Variants in UGT2B10 observed in about 807,000 individuals in gnomAD.
UGT2B10 encodes the protein UDP-glucuronosyltransferase 2B10.
A neutral mutation model predicts 43.7 loss-of-function variants in UGT2B10; 51 were observed. The ratio of observed to expected loss-of-function variants is 1.17; its 90% CI spans 0.93 to 1.47. The LOEUF (loss-of-function observed/expected upper bound fraction) is 1.47, where lower values mean the gene tolerates loss of function less well. Ranked by LOEUF, UGT2B10 falls within the 40% of genes most tolerant of loss-of-function variation. UGT2B10 has a pLI of 0.00. For synonymous variants in UGT2B10, 225 were observed against 209.0 expected, an observed-to-expected ratio of 1.08 and a Z score of -0.66; for missense variants, 696 against 617.7, an observed-to-expected ratio of 1.13 and a Z score of -1.34.
chr4:68,826,096 T>C (rs1296131403), intron 3 of UGT2B10, among the ~76,000 whole-genome samples: 1 of 152,084 alleles, frequency 6.6e-6, no homozygotes, highest in Non-Finnish European at 1.5e-5. Flanking sequence ...ATGTGTGATG[T>C]TAAACTTTTT....
intron 4 of UGT2B10, among the ~76,000 whole-genome samples, chr4:68,826,836 C>T (rs1737805245): frequency 6.6e-6 from 1 of 152,008 alleles, no homozygotes; most frequent in South Asian, 2.1e-4. Context: ...TTTCAAATGC[C>T]ACTAAATATA....
chr4:68,826,636 G>C, intron 4 of UGT2B10, 139 bp downstream of exon 4: 2 of 1,079,092 alleles, frequency 1.9e-6, no homozygotes, highest in Admixed American at 6.3e-5. Flanking sequence ...TCCAGTCCTA[G>C]GGGAAAAGAA....
At position 68,831,355 on chromosome 4, in the gene UGT2B10, A is replaced by T. The variant is rs1738092197; in HGVS notation, c.*476A>T. Among the ~76,000 whole-genome samples, 1 of 152,094 alleles carries T rather than the reference A, an allele frequency of 6.6e-6. No individual in the cohort carries two copies. The highest frequency in any genetic ancestry group is 1.5e-5 in the Non-Finnish European group (1 of 67,996). On this transcript the variant is annotated 3_prime_UTR_variant, in exon 6 of 6. Coordinates refer to ENST00000265403, the MANE Select transcript of UGT2B10 (RefSeq NM_001075.6). ...CAATCCTCCCATTTTAGCATCCCAA[A>T]GGGATGAGATTACAGGTATGTACCA... is the stretch of plus-strand genomic sequence containing the variant.
Position 68,826,451 on chromosome 4 carries a change from T to C in UGT2B10, c.1041T>C (p.Gly347=). 2 of 1,612,424 alleles carry C rather than the reference T, an allele frequency of 1.2e-6. No individual in the cohort carries two copies. Among genetic ancestry groups the C allele is most frequent in the Non-Finnish European group, 1.7e-6 (2 of 1,179,222 alleles). Residue 347 remains glycine, a synonymous_variant, in exon 4 of 6, where the codon GGT becomes GGC. Coordinates refer to ENST00000265403, the MANE Select transcript of UGT2B10 (RefSeq NM_001075.6). ...ATGGGAATAAACCAGATGCCTTAGG[T>C]CTCAATACTCGACTGTACAAGTGGA... ...RFDGNKPDAL[G]LNTRLYKWIP...
Position 68,830,526 on chromosome 4 carries a change from G to T in UGT2B10, c.1308-74G>T. On this transcript the variant is annotated intron_variant, in intron 5 of 5. Transcript: ENST00000265403. Reference sequence around the variant, plus strand: ...CTTTGAATTATTTGACACTTTAAAAGCCTTTCATAGACTTGATATCTACAG... The same window carrying T: ...CTTTGAATTATTTGACACTTTAAAATCCTTTCATAGACTTGATATCTACAG... The T allele has an allele frequency of 2.7e-6, 4 of 1,476,256 alleles. No homozygotes were observed. In the South Asian group the frequency reaches 4.3e-5, roughly 16 times the overall value. 91.4% of individuals were successfully genotyped at this position (1,476,256 alleles called of 1,614,324 possible).
At chr4:68,822,194 T>C in intron 2 of UGT2B10, 77 bp from the exon 3 acceptor site, 1 of 1,566,286 alleles carries the variant, frequency 6.4e-7, no homozygotes, top group Non-Finnish European at 8.6e-7. Context: ...CTCTTTAATA[T>C]TTTGTACCAA....
At chr4:68,822,194 T>A in intron 2 of UGT2B10, 77 bp from the exon 3 acceptor site, 1 of 1,566,286 alleles carries the variant, frequency 6.4e-7, no homozygotes, top group South Asian at 1.2e-5. Flanking sequence ...CTCTTTAATA[T>A]TTTGTACCAA....
intron 2 of UGT2B10, among the ~76,000 whole-genome samples, chr4:68,818,572 A>G (rs1737338670): frequency 6.6e-6 from 1 of 151,866 alleles, no homozygotes; most frequent in Non-Finnish European, 1.5e-5. Flanking sequence ...ACTTTGAAAT[A>G]TAGAATATAA....
intron 5 of UGT2B10, among the ~76,000 whole-genome samples, chr4:68,829,626 G>C (rs548001986): frequency 6.6e-6 from 1 of 151,972 alleles, no homozygotes; most frequent in Non-Finnish European, 1.5e-5. Flanking sequence ...TCTCTTAGAG[G>C]TAACACTTAG....
rs1175764702 is a variant in UGT2B10 at position 68,831,848 on chromosome 4, A to G, written c.*969A>G. Among the ~76,000 whole-genome samples, 1 of 152,080 alleles carries G rather than the reference A, an allele frequency of 6.6e-6. No individual in the cohort carries two copies. The highest frequency in any genetic ancestry group is 6.6e-5 in the Admixed American group (1 of 15,248). On this transcript the variant is annotated 3_prime_UTR_variant, in exon 6 of 6. Transcript: ENST00000265403. ...TGTCCTCTTTATTATTGATCAATCC[A>G]ACTGCAAAGTTCACCTTACCTGACT... is the stretch of plus-strand genomic sequence containing the variant.
At chr4:68,817,038 TA>T (rs1737248841) in intron 1 of UGT2B10, among the ~76,000 whole-genome samples, 2 of 151,806 alleles carry the variant, frequency 1.3e-5, no homozygotes. Flanking sequence ...TTTCAGATCT[TA>T]AAAACAGCAA....
At position 68,823,530 on chromosome 4, in the gene UGT2B10, G is replaced by T. The variant is rs115810397; in HGVS notation, c.999+1128G>T. 4.6e-3 allele frequency among the ~76,000 whole-genome samples: 702 copies of T among 152,108 alleles called. 3 individuals are homozygous for T. Among genetic ancestry groups the T allele is most frequent in the Non-Finnish European group, 6.7e-3 (454 of 67,982 alleles). On this transcript the variant is annotated intron_variant, in intron 3 of 5. Transcript: ENST00000265403. ...TCAAAAAAAGTAAACTAGTAAACTA[G>T]AGACTCTACTGTAGTATATTTCAGG...
In UGT2B10 at chr4:68,816,178, T is replaced by G; in HGVS notation, c.159T>G (p.Thr53=). The G allele has an allele frequency of 6.2e-7, 1 of 1,613,344 alleles. No homozygotes were observed. The highest frequency in any genetic ancestry group is 8.5e-7 in the Non-Finnish European group (1 of 1,179,478). Residue 53 remains threonine, a synonymous_variant, in exon 1 of 6, where the codon ACT becomes ACG. Transcript: ENST00000265403. ...TTGTTCAGAGAGGTCATGAGGTGAC[T>G]GTACTGGCATCTTCAGCTTCCATTC... is the stretch of plus-strand genomic sequence containing the variant. ...KELVQRGHEV[T]VLASSASILF... is the part of the protein sequence containing the mutation.
intron 3 of UGT2B10, 39 bp from the exon 4 acceptor site, chr4:68,826,371 T>A: frequency 6.3e-7 from 1 of 1,585,018 alleles, no homozygotes; most frequent in Non-Finnish European, 8.6e-7. Context: ...AACTTTTGAG[T>A]TCCACTCGTG....
chr4:68,820,261 T>G (rs532817738), intron 2 of UGT2B10, among the ~76,000 whole-genome samples: 1 of 152,098 alleles, frequency 6.6e-6, no homozygotes, highest in Non-Finnish European at 1.5e-5. Context: ...AAACCAGTTC[T>G]TTAATTGTTT....
At position 68,816,132 on chromosome 4, in the gene UGT2B10, T is replaced by C. The variant is rs1238629299; in HGVS notation, c.113T>C (p.Met38Thr). 4 of 1,613,348 alleles carry C rather than the reference T, an allele frequency of 2.5e-6. No individual in the cohort carries two copies. The highest frequency in any genetic ancestry group is 2.2e-5 in the East Asian group (1 of 44,838). Residue 38 changes from methionine to threonine, a missense_variant, in exon 1 of 6, where the codon ATG becomes ACG. Coordinates refer to ENST00000265403, the MANE Select transcript of UGT2B10 (RefSeq NM_001075.6). ...WAAEYSLWMN[M>T]KTILKELVQR... ...GCAGAATACAGCCTTTGGATGAATA[T>C]GAAGACAATCCTGAAAGAACTTGTT...
intron 3 of UGT2B10, among the ~76,000 whole-genome samples, chr4:68,822,679 A>T (rs1484313804): frequency 6.6e-6 from 1 of 152,196 alleles, no homozygotes; most frequent in African/African-American, 2.4e-5. Context: ...ACAAAAGGGA[A>T]CTTGAGACCC....
intron 2 of UGT2B10, 116 bp from the exon 3 acceptor site, chr4:68,822,155 C>T: frequency 1.4e-6 from 2 of 1,444,574 alleles, no homozygotes; most frequent in Non-Finnish European, 9.4e-7. Flanking sequence ...TTATTTACTC[C>T]AATAATTCCT....
chr4:68,826,344 C>A, intron 3 of UGT2B10, 66 bp from the exon 4 acceptor site: 1 of 1,497,442 alleles, frequency 6.7e-7, no homozygotes. Context: ...ACTCTTTTTA[C>A]AGTTCTAACA....
Sources: allele counts gnomAD v4.1 joint callset (sites outside exome capture counted in the v4.1 genomes callset), GRCh38; gene constraint gnomAD v4.1.1; transcripts MANE v1.5; gene names NCBI Gene and HGNC (gene_info 2026-07-23, HGNC 2026-07-21).